Variants in CASR observed in about 807,000 individuals in gnomAD.
The protein encoded by CASR is extracellular calcium-sensing receptor.
A neutral mutation model predicts 69.1 loss-of-function variants in CASR; 23 were observed. The ratio of observed to expected loss-of-function variants is 0.33; its 90% confidence interval spans 0.24 to 0.47. The LOEUF (loss-of-function observed/expected upper bound fraction) is 0.47, where lower values mean the gene tolerates loss of function less well. Among genes scored for constraint, CASR ranks in the 20% least tolerant of loss-of-function variants. CASR has a pLI of 1.00. For synonymous variants in CASR, 541 were observed against 544.7 expected (o/e 0.99, Z 0.10); for missense variants, 924 against 1,356.1 (o/e 0.68, Z 5.00).
chr3:122,284,720 C>T lies in CASR; in HGVS notation c.2766C>T (p.Asp922=). 2 of 1,614,166 alleles carry T rather than the reference C, an allele frequency of 1.2e-6. No homozygotes were observed. Among genetic ancestry groups the T allele is most frequent in the African/African-American group, 1.3e-5 (1 of 75,072 alleles). Reference sequence around the variant, plus strand: ...TCAGCAGCAAGAGCAACAGCGAAGACCCATTCCCACAGCCCGAGAGGCAGA... The same window carrying T: ...TCAGCAGCAAGAGCAACAGCGAAGATCCATTCCCACAGCCCGAGAGGCAGA... ...SSISSKSNSE[D]PFPQPERQKQ... The change falls in exon 7 of 7, where the codon GAC becomes GAT. Residue 922 remains aspartate, a synonymous_variant. Coordinates refer to ENST00000639785, the MANE Select transcript of CASR (RefSeq NM_000388.4).
At chr3:122,255,968 G>A (rs1443321049) in intron 2 of CASR, among the ~76,000 whole-genome samples, 1 of 152,180 alleles carries the variant, frequency 6.6e-6, no homozygotes, top group South Asian at 2.1e-4. Flanking sequence ...CATTTACTGA[G>A]CCCTGACTCT....
intron 1 of CASR, among the ~76,000 whole-genome samples, chr3:122,187,256 G>C (rs530463533): frequency 1.4e-4 from 22 of 152,172 alleles, no homozygotes; most frequent in African/African-American, 4.3e-4. Flanking sequence ...GCTCTAATTG[G>C]GAGGATGCCA....
chr3:122,242,257 G>C (rs2074385456), intron 1 of CASR, among the ~76,000 whole-genome samples: 1 of 152,034 alleles, frequency 6.6e-6, no homozygotes, highest in African/African-American at 2.4e-5. Flanking sequence ...GTTTGCAGAA[G>C]ATATGATCTT....
rs138638329 is a variant in CASR, at chr3:122,283,706, G to A, written c.1752G>A (p.Lys584=). Residue 584 remains lysine, a synonymous_variant, in exon 7 of 7, where the codon AAG becomes AAA. Transcript: ENST00000639785. Reference sequence around the variant, plus strand: ...TTACAGATGCCAGTGCCTGTAACAAGTGCCCAGATGACTTCTGGTCCAATG... The same window carrying A: ...TTACAGATGCCAGTGCCTGTAACAAATGCCCAGATGACTTCTGGTCCAATG... ...SDETDASACN[K]CPDDFWSNEN... The A allele has an allele frequency of 2.5e-4, 398 of 1,614,064 alleles. No individual in the cohort carries two copies. Among genetic ancestry groups the A allele is most frequent in the Non-Finnish European group, 3.2e-4 (373 of 1,179,962 alleles).
chr3:122,242,524 C>G (rs1432724644), intron 1 of CASR, among the ~76,000 whole-genome samples: 2 of 151,870 alleles, frequency 1.3e-5, no homozygotes, highest in Non-Finnish European at 2.9e-5. Context: ...AAAGAAATTG[C>G]AGAGGACACA....
At chr3:122,228,777 G>A (rs1223071502) in intron 1 of CASR, among the ~76,000 whole-genome samples, 1 of 152,134 alleles carries the variant, frequency 6.6e-6, no homozygotes, top group Admixed American at 6.5e-5. Flanking sequence ...CTGAATCCAT[G>A]CTCACAGCTA....
chr3:122,220,234 C>T (rs184263314), intron 1 of CASR, among the ~76,000 whole-genome samples: 1 of 152,322 alleles, frequency 6.6e-6, no homozygotes, highest in Non-Finnish European at 1.5e-5. Flanking sequence ...CAGCAGCATA[C>T]CTCTTCCTGA....
rs2074639185 is a variant in CASR, at chr3:122,262,402, A to G, written c.1367A>G (p.Glu456Gly). 6.2e-7 allele frequency: 1 copy of G among 1,612,266 alleles called. No homozygotes were observed. Among genetic ancestry groups the G allele is most frequent in the African/African-American group, 1.3e-5 (1 of 74,928 alleles). The change falls in exon 4 of 7, where the codon GAG (glutamate) becomes GGG (glycine). Residue 456 changes from glutamate (E) to glycine (G), a missense_variant. Glu to Gly is a moderately conservative substitution (Grantham distance 98). Around this residue, in one of 8 missense-constraint regions of CASR, gnomAD observed 310 missense variants for 395.7 expected, o/e 0.78. Coordinates refer to ENST00000639785, the MANE Select transcript of CASR (RefSeq NM_000388.4). ...NGSCADIKKV[E>G]AWQVLKHLRH... ...TCCTGTGCAGACATCAAGAAAGTTG[A>G]GGCGTGGCAGGTGCGTCCTTCACTT...
chr3:122,210,291 C>T (rs2074050234), intron 1 of CASR, among the ~76,000 whole-genome samples: 1 of 152,178 alleles, frequency 6.6e-6, no homozygotes, highest in Non-Finnish European at 1.5e-5. Flanking sequence ...GAGAGGAAGT[C>T]AAACTGTTTC....
chr3:122,283,537 A>G, intron 6 of CASR, 150 bp from the exon 7 acceptor site: 2 of 697,204 alleles, frequency 2.9e-6, no homozygotes, highest in South Asian at 3.1e-5. Flanking sequence ...CATATTTTTG[A>G]TAATGTAAAA....
intron 1 of CASR, among the ~76,000 whole-genome samples, chr3:122,189,946 A>G (rs2073823614): frequency 6.6e-6 from 1 of 152,178 alleles, no homozygotes; most frequent in Non-Finnish European, 1.5e-5. Context: ...TTTGTTCACC[A>G]GTTGGGTCCC....
At position 122,261,786 on chromosome 3, in the gene CASR, G is replaced by A; in HGVS notation, c.751G>A (p.Glu251Lys). 1 of 1,614,252 alleles carries A rather than the reference G, an allele frequency of 6.2e-7. No homozygotes were observed. Among genetic ancestry groups the A allele is most frequent in the Non-Finnish European group, 8.5e-7 (1 of 1,180,044 alleles). The change falls in exon 4 of 7, where the codon GAG (glutamate) becomes AAG (lysine). Residue 251 changes from glutamate (E) to lysine (K), a missense_variant. Transcript: ENST00000639785. ...ELISQYSDEE[E>K]IQHVVEVIQN... is the part of the protein sequence containing the mutation. ...CATCTCCCAGTACTCTGATGAGGAA[G>A]AGATCCAGCATGTGGTAGAGGTGAT...
intron 6 of CASR, 113 bp downstream of exon 6, chr3:122,282,349 T>A: frequency 9.6e-7 from 1 of 1,037,038 alleles, no homozygotes; most frequent in Non-Finnish European, 1.5e-6. Context: ...AGTTTCTCAT[T>A]TAACAAAGGT....
chr3:122,207,009 C>CA (rs1041146329), intron 1 of CASR, among the ~76,000 whole-genome samples: 5 of 151,502 alleles, frequency 3.3e-5, no homozygotes, highest in African/African-American at 7.3e-5. Context: ...TTTATCTTTT[C>CA]AAAAAAACAA....
chr3:122,224,067 A>G (rs890915616), intron 1 of CASR, among the ~76,000 whole-genome samples: 1 of 152,254 alleles, frequency 6.6e-6, no homozygotes, highest in African/African-American at 2.4e-5. Context: ...ATCTGTGACA[A>G]ACCCACAGCC....
intron 1 of CASR, chr3:122,246,980 CAAT>C (rs2074434531): frequency 6.6e-6 from 1 of 152,178 alleles, no homozygotes; most frequent in Admixed American, 6.5e-5. Flanking sequence ...TCCTTCTTTC[CAAT>C]AATACCCTTT....
intron 4 of CASR, among the ~76,000 whole-genome samples, chr3:122,266,208 G>A (rs1439169827): frequency 6.6e-6 from 1 of 150,972 alleles, no homozygotes; most frequent in Non-Finnish European, 1.5e-5. Context: ...TGCTTATAAT[G>A]AGCAACCGTT....
intron 4 of CASR, among the ~76,000 whole-genome samples, chr3:122,273,447 C>A (rs1168388866): frequency 6.6e-6 from 1 of 152,152 alleles, no homozygotes; most frequent in African/African-American, 2.4e-5. Flanking sequence ...CAGGGACTGG[C>A]ACATAGGAAG....
chr3:122,290,230 C>A lies in CASR; in HGVS notation c.*5039C>A, dbSNP rs944715913. ...TTAGAACAAATAAAAGCAGCAAACT[C>A]TGTGACTGAAGTTTCAGCACATGGA... On this transcript the variant is annotated 3_prime_UTR_variant, in exon 7 of 7. Transcript: ENST00000639785. The A allele has an allele frequency of 6.6e-6, 1 of 152,168 alleles. No individual in the cohort carries two copies. Among genetic ancestry groups the A allele is most frequent in the African/African-American group, 2.4e-5 (1 of 41,414 alleles). The allele number at this position is 152,168 out of a possible 1,614,324, so 9.4% of individuals were successfully genotyped here.
Sources: gnomAD v4.1 joint callset for allele counts (sites outside exome capture counted in the v4.1 genomes callset) on GRCh38, gnomAD v4.1.1 for gene constraint, gnomAD v4.1.1 regional missense constraint, MANE v1.5 for transcripts, NCBI Gene and HGNC (gene_info 2026-07-23, HGNC 2026-07-21) for gene names.